Variants in GGCX observed in about 807,000 individuals in gnomAD.
GGCX encodes vitamin K-dependent gamma-carboxylase.
In GGCX, 63 loss-of-function variants were observed where a neutral mutation model predicts 88.5. The ratio of observed to expected loss-of-function variants is 0.71; its 90% CI spans 0.58 to 0.88. The LOEUF (loss-of-function observed/expected upper bound fraction) is 0.88. Ranked by LOEUF, GGCX falls within the 40% of genes least tolerant of loss-of-function variation. The pLI, the probability that GGCX is intolerant of heterozygous loss-of-function variation, is 0.00. For synonymous variants in GGCX, 368 were observed against 365.8 expected (o/e 1.01, Z -0.07); for missense variants, 805 against 932.9 (o/e 0.86, Z 1.79).
At chr2:85,550,840 T>C in intron 13 of GGCX, 85 bp downstream of exon 13, 1 of 1,576,720 alleles carries the variant, frequency 6.3e-7, no homozygotes, top group Non-Finnish European at 8.7e-7. Flanking sequence ...GACTTCAAGT[T>C]CATTCTTGAA....
chr2:85,550,690 G>C lies in GGCX; in HGVS notation c.1949C>G (p.Pro650Arg). ...PLLEGEVKGG[P>R]EPTPLVQTFL... ...GGTCTGAACCAGAGGTGTTGGCTCA[G>C]GGCCCCCTTTTACTTCCCCTTCCAA... is the stretch of plus-strand genomic sequence containing the variant. Residue 650 changes from proline (P) to arginine (R), a missense_variant, in exon 14 of 15, where the codon CCT becomes CGT. Pro to Arg is a moderately radical substitution (Grantham distance 103). Coordinates refer to ENST00000233838, the MANE Select transcript of GGCX (RefSeq NM_000821.7). The C allele has an allele frequency of 1.2e-6, 2 of 1,614,158 alleles. No homozygotes were observed. The highest frequency in any genetic ancestry group is 1.7e-6 in the Non-Finnish European group (2 of 1,180,014).
intron 2 of GGCX, 26 bp downstream of exon 2, chr2:85,560,789 T>C: frequency 1.3e-6 from 2 of 1,591,896 alleles, no homozygotes; most frequent in Non-Finnish European, 1.7e-6. Flanking sequence ...TCAACCAAAT[T>C]GCTCCCACCC....
intron 13 of GGCX, 86 bp from the exon 14 acceptor site, chr2:85,550,836 A>G (rs1233544942): frequency 9.5e-6 from 15 of 1,585,088 alleles, no homozygotes; most frequent in East Asian, 2.2e-5. Flanking sequence ...TAGAGACTTC[A>G]AGTTCATTCT....
chr2:85,561,288 CCG>C, intron 1 of GGCX, 96 bp downstream of exon 1: 3 of 669,662 alleles, frequency 4.5e-6, no homozygotes, highest in Non-Finnish European at 7.8e-6. Context: ...GACCCCCCCC[CCG>C]CCTCACCGGG....
chr2:85,554,279 G>T lies in GGCX; in HGVS notation c.753C>A (p.Ser251Arg). ...GCCCACCCCAGTGCACGACCAGCAG[G>T]CTAGTCAGCTCCTCAGACAACAGCA... ...FKLLLSEELT[S>R]LLVVHWGGLL... The change falls in exon 7 of 15, where the codon AGC (serine) becomes AGA (arginine). Residue 251 changes from serine (S) to arginine (R), a missense_variant. Ser to Arg is a moderately radical substitution (Grantham distance 110). Coordinates refer to ENST00000233838, the MANE Select transcript of GGCX (RefSeq NM_000821.7). 1 of 1,614,046 alleles carries T rather than the reference G, an allele frequency of 6.2e-7. No individual in the cohort carries two copies. The highest frequency in any genetic ancestry group is 1.1e-5 in the South Asian group (1 of 91,086).
intron 2 of GGCX, among the ~76,000 whole-genome samples, chr2:85,559,364 T>C (rs899231251): frequency 2.0e-5 from 3 of 152,160 alleles, no homozygotes; most frequent in African/African-American, 7.2e-5. Context: ...CAAAATGCTA[T>C]AAAAACTGTT....
chr2:85,551,374 C>T (rs1408630566), intron 12 of GGCX, 106 bp downstream of exon 12: 10 of 1,121,530 alleles, frequency 8.9e-6, no homozygotes, highest in South Asian at 7.4e-5. Context: ...TGCTCAGGCT[C>T]ACTGTGAATT....
intron 4 of GGCX, 118 bp downstream of exon 4, chr2:85,558,322 A>C (rs1443960099): frequency 4.5e-6 from 4 of 885,772 alleles, no homozygotes; most frequent in Non-Finnish European, 7.5e-6. Flanking sequence ...GATCAAAGTG[A>C]CCTTGTAACC....
In GGCX at chr2:85,553,340, C is replaced by T; in HGVS notation, c.1047G>A (p.Arg349=). ...PSVSCVYKRS[R]GKSGQKPGLR... ...GCCCTGGCTTCTGGCCACTTTTGCCCCGGCTCCTCTTATACACACAGGAAA... is the reference window on the plus strand; with the variant it reads ...GCCCTGGCTTCTGGCCACTTTTGCCTCGGCTCCTCTTATACACACAGGAAA... The change falls in exon 8 of 15, where the codon CGG becomes CGA. Residue 349 remains arginine (R), a synonymous_variant. Coordinates refer to ENST00000233838, the MANE Select transcript of GGCX (RefSeq NM_000821.7). 1.2e-6 allele frequency: 2 copies of T among 1,614,230 alleles called. No individual in the cohort carries two copies. Among genetic ancestry groups the T allele is most frequent in the Non-Finnish European group, 8.5e-7 (1 of 1,180,032 alleles).
rs1439719260 is a variant in GGCX, at chr2:85,545,563, C to A, written c.*4371G>T. ...AGGAAAATAACCTCAATCCCTAGAC[C>A]CAGTGGGTGGGCATTTTTTAAAAGC... On this transcript the variant is annotated 3_prime_UTR_variant, in exon 15 of 15. Coordinates refer to ENST00000233838, the MANE Select transcript of GGCX (RefSeq NM_000821.7). 1 of 152,122 alleles carries A rather than the reference C, an allele frequency of 6.6e-6. No homozygotes were observed. The highest frequency in any genetic ancestry group is 2.4e-5 in the African/African-American group (1 of 41,396). 9.4% of individuals were successfully genotyped at this position (152,122 alleles called of 1,614,324 possible).
rs371085760 is a variant in GGCX at position 85,551,766 on chromosome 2, A to C, written c.1609+46T>G. On this transcript the variant is annotated intron_variant, in intron 11 of 14. Coordinates refer to ENST00000233838, the MANE Select transcript of GGCX (RefSeq NM_000821.7). Reference sequence around the variant, plus strand: ...CACATGGAATGTCCCTGGCCAAGGAAGCCAGAAGGAAAGACAGAAAAGCCT... The same window carrying C: ...CACATGGAATGTCCCTGGCCAAGGACGCCAGAAGGAAAGACAGAAAAGCCT... 3.8e-6 allele frequency: 6 copies of C among 1,589,150 alleles called. 1 individual carries two copies. Among genetic ancestry groups the C allele is most frequent in the Middle Eastern group, 3.3e-4 (2 of 6,004 alleles).
intron 4 of GGCX, among the ~76,000 whole-genome samples, chr2:85,558,143 T>G (rs1347135068): frequency 6.6e-6 from 1 of 152,200 alleles, no homozygotes; most frequent in Non-Finnish European, 1.5e-5. Context: ...AAAACAGCCA[T>G]GTCTGGCTTT....
chr2:85,559,080 G>A lies in GGCX; in HGVS notation c.215-5C>T. 1 of 1,613,738 alleles carries A rather than the reference G, an allele frequency of 6.2e-7. No individual in the cohort carries two copies. Among genetic ancestry groups the A allele is most frequent in the South Asian group, 1.1e-5 (1 of 91,070 alleles). ...TGTCTAGCACCATCAAGAACCCTAA[G>A]AAGGCAATAGGGGAGTTGGTCATTG... On this transcript the variant is annotated splice_polypyrimidine_tract_variant and splice_region_variant and intron_variant, in intron 2 of 14. Transcript: ENST00000233838.
intron 1 of GGCX, 133 bp downstream of exon 1, chr2:85,561,251 TCA>T (rs1692441225): frequency 7.6e-6 from 5 of 658,560 alleles, no homozygotes; most frequent in Non-Finnish European, 1.3e-5. Flanking sequence ...TGCAAATGTC[TCA>T]CAGCACGCCC....
rs2103929052 is a variant in GGCX at position 85,545,682 on chromosome 2, A to T, written c.*4252T>A. On this transcript the variant is annotated 3_prime_UTR_variant, in exon 15 of 15. Transcript: ENST00000233838. ...CAATGCCATTTTTAAGTTTTCAACT[A>T]AGGTTGAGGGCTTCAAACCATTGAA... 6.6e-6 allele frequency: 1 copy of T among 151,802 alleles called. No individual in the cohort carries two copies. Among genetic ancestry groups the T allele is most frequent in the East Asian group, 1.9e-4 (1 of 5,190 alleles). The allele number at this position is 151,802 out of a possible 1,614,324, so 9.4% of individuals were successfully genotyped here. A position where few individuals can be genotyped will look rare whatever the true frequency, so the allele number is the denominator to read the frequency against.
In GGCX at chr2:85,555,593, G is replaced by A; in HGVS notation, c.619-3C>T. 8.0e-6 allele frequency: 12 copies of A among 1,500,004 alleles called. No homozygotes were observed. Among genetic ancestry groups the A allele is most frequent in the Non-Finnish European group, 1.1e-5 (12 of 1,076,030 alleles). The allele number at this position is 1,500,004 out of a possible 1,614,324, so 92.9% of individuals were successfully genotyped here. ...GCAATGAAGTACACAATGAAGATCT[G>A]AAAATAAAATGTGACACAAAGTTCA... On this transcript the variant is annotated splice_polypyrimidine_tract_variant and splice_region_variant and intron_variant, in intron 5 of 14. Transcript: ENST00000233838.
Position 85,558,855 on chromosome 2 carries a change from C to G in GGCX, c.373+62G>C, listed in dbSNP as rs1692315774. 28 of 1,472,740 alleles carry G rather than the reference C, an allele frequency of 1.9e-5. No homozygotes were observed. In the South Asian group the frequency reaches 3.2e-4, roughly 17 times the overall value. The allele number at this position is 1,472,740 out of a possible 1,614,324, so 91.2% of individuals were successfully genotyped here. On this transcript the variant is annotated intron_variant, in intron 3 of 14. Coordinates refer to ENST00000233838, the MANE Select transcript of GGCX (RefSeq NM_000821.7). Reference sequence around the variant, plus strand: ...GGTGCCAAAGACTTTGACCATTCACCAGCATGCTTCTATTTCTGTGTTTCT... The same window carrying G: ...GGTGCCAAAGACTTTGACCATTCACGAGCATGCTTCTATTTCTGTGTTTCT...
intron 1 of GGCX, 94 bp downstream of exon 1, chr2:85,561,292 C>A: frequency 1.5e-6 from 1 of 668,388 alleles, no homozygotes; most frequent in East Asian, 2.8e-5. Flanking sequence ...CCCCCCCCGC[C>A]TCACCGGGAG....
chr2:85,551,160 C>A, intron 12 of GGCX, 88 bp from the exon 13 acceptor site: 1 of 1,273,872 alleles, frequency 7.9e-7, no homozygotes, highest in East Asian at 2.3e-5. Flanking sequence ...TGGCTTCTTT[C>A]TACTCAATTG....
Sources: allele counts gnomAD v4.1 joint callset (sites outside exome capture counted in the v4.1 genomes callset), GRCh38; gene constraint gnomAD v4.1.1; transcripts MANE v1.5; gene names NCBI Gene and HGNC (gene_info 2026-07-23, HGNC 2026-07-21).